Variants in PALM2AKAP2 observed in about 807,000 individuals in gnomAD.
The protein encoded by PALM2AKAP2 is PALM2-AKAP2 fusion protein.
A neutral mutation model predicts 71.5 loss-of-function variants in PALM2AKAP2; 37 were observed. The observed-to-expected ratio is 0.52, with a 90% CI of 0.40 to 0.68. The LOEUF (loss-of-function observed/expected upper bound fraction) is 0.68, where lower values mean the gene tolerates loss of function less well. PALM2AKAP2 is among the 30% of genes least tolerant of loss of function. The pLI, the probability that PALM2AKAP2 is intolerant of heterozygous loss-of-function variation, is 0.00. For synonymous variants in PALM2AKAP2, 468 were observed against 478.8 expected, an observed-to-expected ratio of 0.98 and a Z score of 0.29; for missense variants, 1,224 against 1,191.8, an observed-to-expected ratio of 1.03 and a Z score of -0.40.
chr9:109,752,178 G>A (rs937138439), intron 1 of PALM2AKAP2, among the ~76,000 whole-genome samples: 22 of 152,208 alleles, frequency 1.4e-4, no homozygotes, highest in Middle Eastern at 3.4e-3. Flanking sequence ...CTTATATGGC[G>A]AGAAACACAT....
intron 1 of PALM2AKAP2, among the ~76,000 whole-genome samples, chr9:110,089,166 AG>A (rs1416928518): frequency 6.6e-6 from 1 of 152,176 alleles, no homozygotes; most frequent in African/African-American, 2.4e-5. Flanking sequence ...GGCACTGGGG[AG>A]GCGGATGGGA....
intron 5 of PALM2AKAP2, among the ~76,000 whole-genome samples, chr9:109,925,732 T>C (rs1830942726): frequency 6.6e-6 from 1 of 152,108 alleles, no homozygotes; most frequent in African/African-American, 2.4e-5. Flanking sequence ...TCCTCTCCTC[T>C]CCTTACCTGG....
intron 2 of PALM2AKAP2, among the ~76,000 whole-genome samples, chr9:110,138,985 GA>G (rs1275313552): frequency 6.6e-6 from 1 of 152,164 alleles, no homozygotes; most frequent in Non-Finnish European, 1.5e-5. Flanking sequence ...AACCCCTTCT[GA>G]ATGCTGGTTT....
chr9:109,803,820 T>C (rs1265987664), intron 1 of PALM2AKAP2, among the ~76,000 whole-genome samples: 1 of 152,188 alleles, frequency 6.6e-6, no homozygotes, highest in Non-Finnish European at 1.5e-5. Context: ...CTTCCTTTGA[T>C]GGGTATGTGC....
chr9:110,144,593 T>C (rs1485595543), intron 2 of PALM2AKAP2, among the ~76,000 whole-genome samples: 2 of 152,204 alleles, frequency 1.3e-5, no homozygotes, highest in African/African-American at 4.8e-5. Context: ...TATACTATTA[T>C]TTAGAAAAGT....
intron 1 of PALM2AKAP2, among the ~76,000 whole-genome samples, chr9:109,845,572 C>A (rs1453521267): frequency 6.6e-6 from 1 of 152,180 alleles, no homozygotes; most frequent in African/African-American, 2.4e-5. Flanking sequence ...AAAACCCACT[C>A]AATCCAGGAG....
At chr9:109,998,091 C>T (rs558079320) in intron 6 of PALM2AKAP2, among the ~76,000 whole-genome samples, 29 of 151,972 alleles carry the variant, frequency 1.9e-4, no homozygotes, top group Middle Eastern at 3.4e-3. Flanking sequence ...TGTGCAGAGA[C>T]TCTAGTGAGG....
At chr9:110,138,660 A>C (rs1472067593) in intron 2 of PALM2AKAP2, 121 bp downstream of exon 8, 9 of 1,432,558 alleles carry the variant, frequency 6.3e-6, no homozygotes, top group Non-Finnish European at 8.2e-6. Flanking sequence ...TTGGGGGGAC[A>C]CTGGCATGAG....
intron 1 of PALM2AKAP2, among the ~76,000 whole-genome samples, chr9:109,863,786 A>G (rs1366318222): frequency 6.7e-6 from 1 of 148,966 alleles, no homozygotes; most frequent in Non-Finnish European, 1.5e-5. Flanking sequence ...TGACTTTAAG[A>G]CCATCACTAT....
At chr9:109,691,459 A>G (rs977061163) in intron 1 of PALM2AKAP2, among the ~76,000 whole-genome samples, 1 of 152,016 alleles carries the variant, frequency 6.6e-6, no homozygotes, top group Non-Finnish European at 1.5e-5. Flanking sequence ...CTAGCATTTC[A>G]AATTGTGATC....
chr9:109,943,287 G>A (rs368970903), intron 6 of PALM2AKAP2: 26 of 1,614,210 alleles, frequency 1.6e-5, no homozygotes, highest in South Asian at 6.6e-5. Flanking sequence ...ACGGGAACGC[G>A]GCTGAGCTTG....
intron 1 of PALM2AKAP2, among the ~76,000 whole-genome samples, chr9:109,726,646 T>C (rs143851156): frequency 6.6e-6 from 1 of 152,252 alleles, no homozygotes; most frequent in African/African-American, 2.4e-5. Flanking sequence ...TATATGTGTG[T>C]ATGTGTGTAG....
chr9:109,762,585 GAAGTGGC>G (rs1203565784), intron 1 of PALM2AKAP2, among the ~76,000 whole-genome samples: 1 of 152,180 alleles, frequency 6.6e-6, no homozygotes, highest in African/African-American at 2.4e-5. Context: ...TGTCCACATG[GAAGTGGC>G]ATTAATACAG....
chr9:110,156,920 G>A lies in PALM2AKAP2; in HGVS notation c.2748+423G>A, dbSNP rs561428670. 1.4e-4 allele frequency among the ~76,000 whole-genome samples: 22 copies of A among 152,240 alleles called. No individual in the cohort carries two copies. In the East Asian group the frequency reaches 2.7e-3, roughly 19 times the overall value. On this transcript the variant is annotated intron_variant, in intron 3 of 3. Transcript: ENST00000374525. ...ATGAAGATGCTGTTCCTTCAAAGCCGACACTCTAGGCAATCCCTAACAATG... is the reference window on the plus strand; with the variant it reads ...ATGAAGATGCTGTTCCTTCAAAGCCAACACTCTAGGCAATCCCTAACAATG...
rs113608466 is a variant in PALM2AKAP2, at chr9:110,100,008, ATG to A, written c.157-36107_157-36106del. ...TCACACATATAACATGCATATATAT[ATG>A]TGTGTGTGTGTCTTAAACATATATG... On this transcript the variant is annotated intron_variant, in intron 1 of 3. Coordinates refer to ENST00000374525, the Ensembl canonical transcript of PALM2AKAP2. Among the ~76,000 whole-genome samples the A allele has an allele frequency of 1.8e-3, 254 of 140,980 alleles. 2 individuals are homozygous for A. The highest frequency in any genetic ancestry group is 6.4e-3 in the African/African-American group (241 of 37,950). 92.5% of individuals were successfully genotyped at this position (140,980 alleles called of 152,430 possible). A position where few individuals can be genotyped will look rare whatever the true frequency, so the allele number is the denominator to read the frequency against.
chr9:110,115,923 C>T (rs1204516385), intron 1 of PALM2AKAP2, among the ~76,000 whole-genome samples: 2 of 152,172 alleles, frequency 1.3e-5, no homozygotes, highest in Non-Finnish European at 2.9e-5. Flanking sequence ...GAAAAAGCAT[C>T]TCTGATGGTT....
rs59242685 is a variant in PALM2AKAP2, at chr9:109,916,789, G to A, written c.258-6946G>A. On this transcript the variant is annotated intron_variant, in intron 3 of 9. Coordinates refer to the PALM2AKAP2 transcript ENST00000302798. ...CCAGAAGTGGTGTACTCTTTCCATC[G>A]TGCCCTCTGGGACCCAGGCAATGTC... Among the ~76,000 whole-genome samples, 655 of 152,224 alleles carry A rather than the reference G, an allele frequency of 4.3e-3. 6 individuals are homozygous for A. The highest frequency in any genetic ancestry group is 0.013 in the African/African-American group (527 of 41,536).
intron 1 of PALM2AKAP2, among the ~76,000 whole-genome samples, chr9:109,650,838 A>G (rs1827215359): frequency 1.3e-5 from 2 of 152,338 alleles, no homozygotes; most frequent in South Asian, 4.1e-4. Context: ...GAATCAATGA[A>G]TCTTGTGTTT....
At chr9:109,847,670 G>A (rs1341690807) in intron 1 of PALM2AKAP2, 5 of 152,092 alleles carry the variant, frequency 3.3e-5, no homozygotes, top group African/African-American at 9.7e-5. Context: ...GAACCCAGGA[G>A]GCAGAGCTTG....
Sources: gnomAD v4.1 joint callset for allele counts (sites outside exome capture counted in the v4.1 genomes callset) on GRCh38, gnomAD v4.1.1 for gene constraint, MANE v1.5 for transcripts, NCBI Gene and HGNC (gene_info 2026-07-23, HGNC 2026-07-21) for gene names.